Variants in SPAG16 observed in about 807,000 individuals in gnomAD.
SPAG16 encodes sperm-associated antigen 16 protein.
In SPAG16, 86 loss-of-function variants were observed where a neutral mutation model predicts 80.4. The ratio of observed to expected loss-of-function variants is 1.07; its 90% CI spans 0.90 to 1.28. SPAG16 has a LOEUF of 1.28. Among genes scored for constraint, SPAG16 ranks in the 50% most tolerant of loss-of-function variants. SPAG16 has a pLI of 0.00. For missense variants in SPAG16, 870 were observed against 765.3 expected (o/e 1.14, Z -1.61); for synonymous variants, 294 against 265.9 (o/e 1.11, Z -1.03).
rs1267980591 is a variant in SPAG16, at chr2:213,676,467, C to A, written c.1071-186018C>A. ...GGCATCCCTGTCTTGTGCCAGTTTT[C>A]AAAGGGAATGCTTCCAGTTTTTGCC... On this transcript the variant is annotated intron_variant, in intron 10 of 15. Coordinates refer to ENST00000331683, the MANE Select transcript of SPAG16 (RefSeq NM_024532.5). 1.5e-3 allele frequency among the ~76,000 whole-genome samples: 219 copies of A among 150,438 alleles called. 1 individual carries two copies. The highest frequency in any genetic ancestry group is 4.9e-3 in the African/African-American group (201 of 40,720).
intron 5 of SPAG16, among the ~76,000 whole-genome samples, chr2:213,339,360 G>T (rs13400851): frequency 0.19 from 29,335 of 152,224 alleles, 3,780 homozygotes; most frequent in Non-Finnish European, 0.29. Context: ...AAATGTGACA[G>T]TGTCAATGCT....
chr2:214,317,986 T>C (rs894644100), intron 15 of SPAG16, among the ~76,000 whole-genome samples: 8 of 152,184 alleles, frequency 5.3e-5, no homozygotes, highest in African/African-American at 1.9e-4. Context: ...CAAAAAAGAA[T>C]TAGGATGTAT....
At chr2:213,950,309 G>GA (rs1296048371) in intron 12 of SPAG16, among the ~76,000 whole-genome samples, 3 of 151,450 alleles carry the variant, frequency 2.0e-5, no homozygotes, top group Non-Finnish European at 2.9e-5. Context: ...ACGAGATTTG[G>GA]AAAAAAAACC....
chr2:213,589,463 G>A (rs2060601311), intron 10 of SPAG16, among the ~76,000 whole-genome samples: 1 of 152,154 alleles, frequency 6.6e-6, no homozygotes, highest in South Asian at 2.1e-4. Context: ...TATTACACCT[G>A]GTAAATTGCT....
rs78285182 is a variant in SPAG16 at position 213,395,752 on chromosome 2, T to G, written c.942+20633T>G. Among the ~76,000 whole-genome samples the G allele has an allele frequency of 8.5e-3, 1,296 of 152,314 alleles. 26 individuals carry two copies. The highest frequency in any genetic ancestry group is 0.03 in the African/African-American group (1,238 of 41,560). On this transcript the variant is annotated intron_variant, in intron 9 of 15. Coordinates refer to ENST00000331683, the MANE Select transcript of SPAG16 (RefSeq NM_024532.5). ...TGTCTCTTGCATCATTTCCAGGGTTTATAGTTTAGTTACCAGGGAAGAATG... is the reference window on the plus strand; with the variant it reads ...TGTCTCTTGCATCATTTCCAGGGTTGATAGTTTAGTTACCAGGGAAGAATG...
At chr2:213,852,159 G>A (rs2074939012) in intron 10 of SPAG16, among the ~76,000 whole-genome samples, 2 of 152,150 alleles carry the variant, frequency 1.3e-5, no homozygotes, top group African/African-American at 4.8e-5. Context: ...GGACAACTGT[G>A]AGTTGACCTT....
chr2:213,585,980 A>G (rs2060458833), intron 10 of SPAG16, among the ~76,000 whole-genome samples: 1 of 152,154 alleles, frequency 6.6e-6, no homozygotes, highest in African/African-American at 2.4e-5. Flanking sequence ...TCATCTCCAT[A>G]ACATATGATG....
intron 13 of SPAG16, among the ~76,000 whole-genome samples, chr2:214,044,692 C>A (rs1473105040): frequency 6.6e-6 from 1 of 152,162 alleles, no homozygotes; most frequent in Non-Finnish European, 1.5e-5. Context: ...CTGGCAGAGG[C>A]CACATGGGAT....
At chr2:213,774,621 G>T (rs879331479) in intron 10 of SPAG16, among the ~76,000 whole-genome samples, 10 of 152,180 alleles carry the variant, frequency 6.6e-5, no homozygotes, top group South Asian at 2.1e-4. Context: ...AGACAATTCA[G>T]TTCCTAAAAG....
At chr2:213,542,765 T>C (rs2076491833) in intron 10 of SPAG16, among the ~76,000 whole-genome samples, 1 of 152,130 alleles carries the variant, frequency 6.6e-6, no homozygotes, top group South Asian at 2.1e-4. Flanking sequence ...AGTTCTTAAA[T>C]TGTTGTTTTT....
rs751433547 is a variant in SPAG16 at position 214,250,751 on chromosome 2, T to TAGAGAGAG, written c.1720+101486_1720+101487insGAGAGAGA. Among the ~76,000 whole-genome samples the TAGAGAGAG allele has an allele frequency of 8.7e-3, 856 of 98,702 alleles. 5 individuals are homozygous for TAGAGAGAG. The highest frequency in any genetic ancestry group is 0.014 in the Non-Finnish European group (660 of 47,568). The allele number at this position is 98,702 out of a possible 152,430, so 64.8% of individuals were successfully genotyped here. Reference sequence around the variant, plus strand: ...GCTTTGAGATATATATATATATATATATATATAGAGAGAGAGAGAGAGAGA... The same window carrying TAGAGAGAG: ...GCTTTGAGATATATATATATATATATAGAGAGAGATATATAGAGAGAGAGAGAGAGAGA... On this transcript the variant is annotated intron_variant, in intron 15 of 15. Transcript: ENST00000331683.
chr2:213,925,297 A>G (rs1264590495), intron 11 of SPAG16, among the ~76,000 whole-genome samples: 1 of 151,642 alleles, frequency 6.6e-6, no homozygotes, highest in Non-Finnish European at 1.5e-5. Flanking sequence ...TAATTTCTGT[A>G]GGAGAGGACT....
chr2:213,891,610 T>C (rs1434984461), intron 11 of SPAG16, among the ~76,000 whole-genome samples: 1 of 152,050 alleles, frequency 6.6e-6, no homozygotes, highest in African/African-American at 2.4e-5. Flanking sequence ...GTTCCAAAAT[T>C]GTGATGTAGA....
intron 10 of SPAG16, among the ~76,000 whole-genome samples, chr2:213,817,169 T>C (rs565613236): frequency 2.6e-4 from 39 of 149,660 alleles, no homozygotes; most frequent in African/African-American, 9.5e-4. Flanking sequence ...TAATAGTTTT[T>C]ATTTATTTCT....
intron 13 of SPAG16, among the ~76,000 whole-genome samples, chr2:214,089,203 A>G (rs2051995687): frequency 1.3e-5 from 2 of 152,082 alleles, no homozygotes; most frequent in South Asian, 4.2e-4. Flanking sequence ...TAATCAATAA[A>G]TCTCTCTCAG....
chr2:213,544,685 C>T (rs1218210576), intron 10 of SPAG16, among the ~76,000 whole-genome samples: 1 of 151,710 alleles, frequency 6.6e-6, no homozygotes, highest in Non-Finnish European at 1.5e-5. Flanking sequence ...CATATCGCTC[C>T]CCCCTCGTAC....
At chr2:213,471,105 G>T (rs1342589260) in intron 9 of SPAG16, among the ~76,000 whole-genome samples, 1 of 152,170 alleles carries the variant, frequency 6.6e-6, no homozygotes, top group African/African-American at 2.4e-5. Flanking sequence ...CCTAAAAAGG[G>T]GCTGTACTGC....
At chr2:214,357,774 C>A (rs1698916941) in intron 15 of SPAG16, among the ~76,000 whole-genome samples, 1 of 151,678 alleles carries the variant, frequency 6.6e-6, no homozygotes, top group Non-Finnish European at 1.5e-5. Flanking sequence ...TTTATTGTGA[C>A]CTCTGTTTCA....
intron 10 of SPAG16, among the ~76,000 whole-genome samples, chr2:213,567,257 G>T: frequency 7.9e-6 from 1 of 125,806 alleles, no homozygotes. Context: ...TATACTCTAA[G>T]TTTTAGGGTA....
Sources: allele counts gnomAD v4.1 joint callset (sites outside exome capture counted in the v4.1 genomes callset), GRCh38; gene constraint gnomAD v4.1.1; transcripts MANE v1.5; gene names NCBI Gene and HGNC (gene_info 2026-07-23, HGNC 2026-07-21).